Variants in CLASP2 observed in about 807,000 individuals in gnomAD.
CLASP2 encodes cytoplasmic linker associated protein 2, also known as CLIP-associating protein 2.
Under a neutral mutation model 194.4 loss-of-function variants are expected in CLASP2, and 47 were observed. The ratio of observed to expected loss-of-function variants is 0.24; its 90% CI spans 0.19 to 0.31. The LOEUF (loss-of-function observed/expected upper bound fraction) is 0.31. Ranked by LOEUF, CLASP2 falls within the 10% of genes least tolerant of loss-of-function variation. CLASP2 has a pLI of 1.00. For missense variants in CLASP2, 1,445 were observed against 1,823.6 expected (o/e 0.79, Z 3.78); for synonymous variants, 619 against 633.5 (o/e 0.98, Z 0.34).
chr3:33,680,405 C>T (rs1355272595), intron 6 of CLASP2, among the ~76,000 whole-genome samples: 2 of 152,164 alleles, frequency 1.3e-5, no homozygotes, highest in African/African-American at 2.4e-5. Context: ...AAATGTACCA[C>T]TCTGTTGAGG....
chr3:33,664,610 T>G (rs377532069), intron 6 of CLASP2, among the ~76,000 whole-genome samples: 1 of 152,188 alleles, frequency 6.6e-6, no homozygotes, highest in South Asian at 2.1e-4. Context: ...TTTCTAAACC[T>G]TAACATCACC....
intron 11 of CLASP2, among the ~76,000 whole-genome samples, chr3:33,620,697 TA>T (rs1559414808): frequency 6.6e-6 from 1 of 152,220 alleles, no homozygotes; most frequent in Non-Finnish European, 1.5e-5. Flanking sequence ...TTGATCTTTG[TA>T]AGCTTGTTGG....
chr3:33,572,278 G>C (rs533287088), intron 25 of CLASP2, among the ~76,000 whole-genome samples: 35 of 152,172 alleles, frequency 2.3e-4, no homozygotes, highest in East Asian at 1.5e-3. Context: ...TGATGGGCTG[G>C]GAACAATATT....
chr3:33,696,004 TGTAA>T (rs2091858219), intron 2 of CLASP2, among the ~76,000 whole-genome samples: 1 of 152,150 alleles, frequency 6.6e-6, no homozygotes, highest in Non-Finnish European at 1.5e-5. Context: ...ACAAACACAC[TGTAA>T]GTAAGTGCTA....
At chr3:33,667,456 CATAAT>C (rs2086409432) in intron 6 of CLASP2, among the ~76,000 whole-genome samples, 1 of 143,950 alleles carries the variant, frequency 6.9e-6, no homozygotes, top group Middle Eastern at 3.6e-3. Flanking sequence ...TATTTACTCC[CATAAT>C]ATGAGTTTTC....
At chr3:33,584,961 C>G (rs544568196) in intron 21 of CLASP2, 41 bp from the exon 22 acceptor site, 8 of 1,519,820 alleles carry the variant, frequency 5.3e-6, no homozygotes, top group Non-Finnish European at 6.2e-6. Context: ...CATGTAAATG[C>G]CAAGAGAATT....
chr3:33,536,221 C>G (rs2057304866), intron 33 of CLASP2, among the ~76,000 whole-genome samples: 1 of 150,798 alleles, frequency 6.6e-6, no homozygotes, highest in African/African-American at 2.5e-5. Context: ...GATGCCTACC[C>G]CAGTGGAGTT....
intron 13 of CLASP2, among the ~76,000 whole-genome samples, chr3:33,610,035 A>G (rs1304951974): frequency 1.3e-5 from 2 of 152,222 alleles, no homozygotes; most frequent in Non-Finnish European, 2.9e-5. Context: ...ATTTCTACAC[A>G]TGAAATACGT....
chr3:33,654,135 T>C (rs1051297812), intron 7 of CLASP2, among the ~76,000 whole-genome samples: 1 of 152,014 alleles, frequency 6.6e-6, no homozygotes, highest in African/African-American at 2.4e-5. Flanking sequence ...GCAGAGAATT[T>C]ATCTACCTTG....
Position 33,701,864 on chromosome 3 carries a change from T to C in CLASP2, c.196-4931A>G, listed in dbSNP as rs192488316. Reference sequence around the variant, plus strand: ...ATAAAACCTAAAACTATAAAACTACTAGAAGAAAACACAGGAGAAAATCTT... The same window carrying C: ...ATAAAACCTAAAACTATAAAACTACCAGAAGAAAACACAGGAGAAAATCTT... On this transcript the variant is annotated intron_variant, in intron 1 of 38. Transcript: ENST00000682230. Among the ~76,000 whole-genome samples the C allele has an allele frequency of 1.3e-3, 202 of 151,998 alleles. 4 individuals carry two copies. Among genetic ancestry groups the C allele is most frequent in the Non-Finnish European group, 1.6e-3 (112 of 67,966 alleles).
Position 33,576,742 on chromosome 3 carries a change from G to C in CLASP2, c.2348-467C>G, listed in dbSNP as rs369500707. Among the ~76,000 whole-genome samples, 200 of 152,148 alleles carry C rather than the reference G, an allele frequency of 1.3e-3. 2 individuals carry two copies. The highest frequency in any genetic ancestry group is 4.7e-3 in the African/African-American group (193 of 41,504). On this transcript the variant is annotated intron_variant, in intron 23 of 38. Transcript: ENST00000682230. Reference sequence around the variant, plus strand: ...TATCTCCTCTCCTTCAAGATAAGTGGGTTTTATTCTACAACTAAGAGACAT... The same window carrying C: ...TATCTCCTCTCCTTCAAGATAAGTGCGTTTTATTCTACAACTAAGAGACAT...
chr3:33,708,537 T>C (rs1263163340), intron 1 of CLASP2, among the ~76,000 whole-genome samples: 4 of 6,312 alleles, frequency 6.3e-4, no homozygotes, highest in Non-Finnish European at 1.5e-3. Context: ...TATATATATG[T>C]ATATATGTAT....
At position 33,599,319 on chromosome 3, in the gene CLASP2, C is replaced by T. The variant is rs112230488; in HGVS notation, c.1925-2585G>A. ...TTTTATTTTGGTAGAGGTGTGGTTT[C>T]GCCATGTTGCCCAGGCTGGTCTCAA... On this transcript the variant is annotated intron_variant, in intron 18 of 38. Transcript: ENST00000682230. Among the ~76,000 whole-genome samples, 651 of 152,014 alleles carry T rather than the reference C, an allele frequency of 4.3e-3. 6 individuals carry two copies. Among genetic ancestry groups the T allele is most frequent in the African/African-American group, 0.015 (602 of 41,448 alleles).
At chr3:33,606,822 G>T in intron 15 of CLASP2, 64 bp from the exon 16 acceptor site, 2 of 1,198,178 alleles carry the variant, frequency 1.7e-6, no homozygotes, top group Non-Finnish European at 1.2e-6. Flanking sequence ...TAACAGTAAC[G>T]TGTACGTTCA....
intron 12 of CLASP2, among the ~76,000 whole-genome samples, chr3:33,619,320 A>G (rs560147425): frequency 3.1e-4 from 47 of 152,192 alleles, no homozygotes; most frequent in Non-Finnish European, 6.0e-4. Flanking sequence ...ACACACACGT[A>G]ACTGTAGATA....
chr3:33,610,078 CAATT>C (rs1202273048), intron 13 of CLASP2, among the ~76,000 whole-genome samples: 2 of 152,180 alleles, frequency 1.3e-5, no homozygotes, highest in Admixed American at 1.3e-4. Flanking sequence ...AACCTTCAAT[CAATT>C]ATCAACACAG....
chr3:33,717,838 G>A lies in CLASP2; in HGVS notation c.165C>T (p.Leu55=), dbSNP rs770944561. ...AGTTGCTCGAACCCACCCAGCCGGTGAGCGCGTCGACTGTCTTGCCTAGGC... is the reference window on the plus strand; with the variant it reads ...AGTTGCTCGAACCCACCCAGCCGGTAAGCGCGTCGACTGTCTTGCCTAGGC... ...LGRLGKTVDA[L]TGWVGSSNYR... Residue 55 remains leucine (L), a synonymous_variant, in exon 1 of 39, where the codon CTC becomes CTT. Coordinates refer to ENST00000682230, the MANE Select transcript of CLASP2 (RefSeq NM_001365631.1). 61 of 1,563,850 alleles carry A rather than the reference G, an allele frequency of 3.9e-5. No homozygotes were observed. The highest frequency in any genetic ancestry group is 1.7e-4 in the Middle Eastern group (1 of 6,026).
At chr3:33,582,906 G>A (rs77750863) in intron 22 of CLASP2, among the ~76,000 whole-genome samples, 2,471 of 152,258 alleles carry the variant, frequency 0.016, 22 homozygotes, top group Middle Eastern at 0.1. Context: ...AATGAAAAGC[G>A]CTAGGAACAG....
intron 6 of CLASP2, among the ~76,000 whole-genome samples, chr3:33,671,593 G>C (rs540204177): frequency 1.3e-5 from 2 of 152,302 alleles, no homozygotes; most frequent in Admixed American, 6.5e-5. Flanking sequence ...AGTGGGCGCA[G>C]GTCAGTGGGT....
Sources: allele counts gnomAD v4.1 joint callset (sites outside exome capture counted in the v4.1 genomes callset), GRCh38; gene constraint gnomAD v4.1.1; transcripts MANE v1.5; gene names NCBI Gene and HGNC (gene_info 2026-07-23, HGNC 2026-07-21).